The following EXD2 variants were observed in gnomAD, a reference collection of about 807,000 sequenced individuals.
EXD2 encodes exonuclease 3'-5' domain-containing protein 2.
In EXD2, 40 loss-of-function variants were observed where a neutral mutation model predicts 62.5. The observed-to-expected ratio is 0.64, with a 90% confidence interval of 0.50 to 0.83. The LOEUF (loss-of-function observed/expected upper bound fraction) is 0.83. Among genes scored for constraint, EXD2 ranks in the 40% least tolerant of loss-of-function variants. The pLI, the probability that EXD2 is intolerant of heterozygous loss-of-function variation, is 0.00. For synonymous variants in EXD2, 239 were observed against 291.9 expected (o/e 0.82, Z 1.85); for missense variants, 671 against 761.8 (o/e 0.88, Z 1.40).
rs994456856 is a variant in EXD2, at chr14:69,199,933, G to A, written c.-131-3984G>A. ...CGTTTATTGTCGTTATCAGGTATGT[G>A]CTATACATAATTGCATGTGCTATAC... is the stretch of plus-strand genomic sequence containing the variant. On this transcript the variant is annotated intron_variant, in intron 1 of 9. Transcript: ENST00000685843. 4.6e-5 allele frequency among the ~76,000 whole-genome samples: 7 copies of A among 152,296 alleles called. No individual in the cohort carries two copies. The East Asian group carries it at 1.4e-3, about 29-fold the overall frequency.
At chr14:69,205,871 A>G (rs2140220391) in intron 2 of EXD2, among the ~76,000 whole-genome samples, 1 of 152,044 alleles carries the variant, frequency 6.6e-6, no homozygotes, top group South Asian at 2.1e-4. Flanking sequence ...TATCTGCTTG[A>G]GCCATAGAGA....
chr14:69,220,260 T>TTTTTG (rs2043132207), intron 3 of EXD2, among the ~76,000 whole-genome samples: 1 of 35,648 alleles, frequency 2.8e-5, no homozygotes, highest in Non-Finnish European at 6.2e-5. Context: ...TCTGTTTTTT[T>TTTTTG]TTTTTTTTTT....
intron 8 of EXD2, 137 bp from the exon 9 acceptor site, chr14:69,237,438 T>C: frequency 1.4e-6 from 1 of 721,348 alleles, no homozygotes; most frequent in Non-Finnish European, 2.4e-6. Context: ...CTTTCTGTGA[T>C]CTGTGTTGGG....
chr14:69,198,725 T>C (rs1174370048), intron 1 of EXD2, among the ~76,000 whole-genome samples: 2 of 152,256 alleles, frequency 1.3e-5, no homozygotes, highest in Non-Finnish European at 2.9e-5. Flanking sequence ...GGATCTGTTC[T>C]GTGAAATGTG....
intron 1 of EXD2, among the ~76,000 whole-genome samples, chr14:69,198,377 G>A (rs916054439): frequency 6.6e-6 from 1 of 151,962 alleles, no homozygotes; most frequent in African/African-American, 2.4e-5. Context: ...TTGCCTCTCC[G>A]CTCTGCTTTA....
chr14:69,217,864 T>C (rs2043038431), intron 3 of EXD2, among the ~76,000 whole-genome samples: 2 of 152,254 alleles, frequency 1.3e-5, no homozygotes, highest in Admixed American at 1.3e-4. Flanking sequence ...ACAAAGGACA[T>C]GAACTCATCC....
chr14:69,198,252 C>T (rs1318648733), intron 1 of EXD2, among the ~76,000 whole-genome samples: 1 of 152,182 alleles, frequency 6.6e-6, no homozygotes, highest in African/African-American at 2.4e-5. Context: ...CATATAATTT[C>T]TAAAAGTTGG....
At chr14:69,221,188 A>G (rs1456824531) in intron 3 of EXD2, among the ~76,000 whole-genome samples, 1 of 152,134 alleles carries the variant, frequency 6.6e-6, no homozygotes, top group Non-Finnish European at 1.5e-5. Flanking sequence ...CTTTGATTTA[A>G]AAAAGTTATG....
At chr14:69,215,417 G>A (rs1387839915) in intron 3 of EXD2, among the ~76,000 whole-genome samples, 3 of 152,182 alleles carry the variant, frequency 2.0e-5, no homozygotes, top group African/African-American at 7.2e-5. Flanking sequence ...GGGCGTATGT[G>A]TCTATGAGTG....
At chr14:69,213,753 T>A (rs2042900169) in intron 3 of EXD2, among the ~76,000 whole-genome samples, 1 of 150,950 alleles carries the variant, frequency 6.6e-6, no homozygotes, top group Non-Finnish European at 1.5e-5. Context: ...AACCTTTGCC[T>A]CCCGGGTTCA....
Position 69,230,547 on chromosome 14 carries a change from C to T in EXD2, c.666C>T (p.Ser222=). 3 of 1,613,972 alleles carry T rather than the reference C, an allele frequency of 1.9e-6. No homozygotes were observed. The highest frequency in any genetic ancestry group is 2.5e-6 in the Non-Finnish European group (3 of 1,179,908). Residue 222 remains serine (S), a synonymous_variant, in exon 5 of 10, where the codon TCC becomes TCT. Transcript: ENST00000685843. The part of the protein sequence containing the change: ...ETVLNFPLDK[S]LLLRCSNWDA... ...TTTTGAACTTTCCCCTTGACAAGTCCCTTCTACTTCGTTGCAGCAACTGGG... is the reference window on the plus strand; with the variant it reads ...TTTTGAACTTTCCCCTTGACAAGTCTCTTCTACTTCGTTGCAGCAACTGGG...
intron 3 of EXD2, among the ~76,000 whole-genome samples, chr14:69,216,991 C>G (rs1024628902): frequency 6.6e-6 from 1 of 152,072 alleles, no homozygotes; most frequent in East Asian, 1.9e-4. Context: ...TTCTCATCCT[C>G]CTCTCCTCCC....
intron 1 of EXD2, among the ~76,000 whole-genome samples, chr14:69,199,599 A>ATT (rs60683799): frequency 5.4e-5 from 8 of 148,468 alleles, no homozygotes; most frequent in Non-Finnish European, 4.5e-5. Context: ...TCAACTTAAA[A>ATT]TTTTTTTTTT....
chr14:69,213,537 A>AT (rs746653694), intron 3 of EXD2, among the ~76,000 whole-genome samples: 3,324 of 76,428 alleles, frequency 0.043, 173 homozygotes, highest in African/African-American at 0.069. Context: ...CACCTGGATA[A>AT]TTTTTTTTTT....
At chr14:69,235,866 C>T in intron 6 of EXD2, 180 bp from the exon 7 acceptor site, 1 of 640,296 alleles carries the variant, frequency 1.6e-6, no homozygotes, top group Non-Finnish European at 2.8e-6. Context: ...AGTTCTGTTT[C>T]CTAGCCCAGT....
At chr14:69,204,304 T>A (rs2042509949) in intron 2 of EXD2, among the ~76,000 whole-genome samples, 1 of 152,220 alleles carries the variant, frequency 6.6e-6, no homozygotes, top group Non-Finnish European at 1.5e-5. Flanking sequence ...GGCATAAGGC[T>A]CACACCTATA....
intron 2 of EXD2, among the ~76,000 whole-genome samples, chr14:69,204,796 TG>T (rs1197021666): frequency 6.6e-6 from 1 of 152,178 alleles, no homozygotes; most frequent in African/African-American, 2.4e-5. Context: ...TGTAATCTGG[TG>T]ATTGAATTAG....
At chr14:69,228,327 G>T (rs1212813182) in intron 3 of EXD2, among the ~76,000 whole-genome samples, 1 of 151,864 alleles carries the variant, frequency 6.6e-6, no homozygotes, top group Non-Finnish European at 1.5e-5. Context: ...ATGTAGCTGG[G>T]ATTACAGGCA....
At chr14:69,206,218 GC>G (rs2042588387) in intron 2 of EXD2, among the ~76,000 whole-genome samples, 1 of 152,180 alleles carries the variant, frequency 6.6e-6, no homozygotes, top group Admixed American at 6.5e-5. Flanking sequence ...ACTGCACCCA[GC>G]TGAGGAATTT....
Sources: allele counts gnomAD v4.1 joint callset (sites outside exome capture counted in the v4.1 genomes callset), GRCh38; gene constraint gnomAD v4.1.1; transcripts MANE v1.5; gene names NCBI Gene and HGNC (gene_info 2026-07-23, HGNC 2026-07-21).